NR3C2: variants seen among roughly 807,000 people sequenced by gnomAD.
NR3C2 encodes the protein nuclear receptor subfamily 3 group C member 2, also known as mineralocorticoid receptor.
NR3C2 carries 15 observed loss-of-function variants against 86.4 expected under a neutral mutation model. The ratio of observed to expected loss-of-function variants is 0.17; its 90% CI spans 0.12 to 0.27. The LOEUF (loss-of-function observed/expected upper bound fraction) is 0.27, where lower values mean the gene tolerates loss of function less well. Among genes scored for constraint, NR3C2 ranks in the 10% least tolerant of loss-of-function variants. The probability of loss-of-function intolerance (pLI) is 1.00; values close to 1 mark genes in which losing one functional copy is unlikely to be tolerated. For missense variants in NR3C2, 960 were observed against 1,195.6 expected (o/e 0.80, Z 2.91); for synonymous variants, 458 against 450.5 (o/e 1.02, Z -0.21).
At chr4:148,150,522 G>C (rs940747598) in intron 6 of NR3C2, among the ~76,000 whole-genome samples, 1 of 152,056 alleles carries the variant, frequency 6.6e-6, no homozygotes, top group Non-Finnish European at 1.5e-5. Flanking sequence ...CATCTTAAAC[G>C]GTGAAATCAC....
In NR3C2 at chr4:148,409,014, G is replaced by A. The variant is rs571883136; in HGVS notation, c.1757+26090C>T. On this transcript the variant is annotated intron_variant, in intron 2 of 8. Coordinates refer to ENST00000358102, the MANE Select transcript of NR3C2 (RefSeq NM_000901.5). Reference sequence around the variant, plus strand: ...TTCTCCTATTAGTTGTTGTTTTCTAGGTCTTGCTAATACTGCAATGAATTG... The same window carrying A: ...TTCTCCTATTAGTTGTTGTTTTCTAAGTCTTGCTAATACTGCAATGAATTG... 7.2e-5 allele frequency among the ~76,000 whole-genome samples: 11 copies of A among 152,162 alleles called. No individual in the cohort carries two copies. In the South Asian group the frequency reaches 2.3e-3, roughly 32 times the overall value.
intron 3 of NR3C2, among the ~76,000 whole-genome samples, chr4:148,258,832 C>T (rs991405238): frequency 2.6e-5 from 4 of 152,174 alleles, no homozygotes; most frequent in African/African-American, 9.7e-5. Context: ...GAATTTCCAT[C>T]GGTGCTTAAG....
intron 2 of NR3C2, among the ~76,000 whole-genome samples, chr4:148,434,072 C>T (rs1004511791): frequency 6.6e-6 from 1 of 152,128 alleles, no homozygotes; most frequent in African/African-American, 2.4e-5. Flanking sequence ...CATGTAAACC[C>T]TATATCCTGT....
chr4:148,158,986 T>G (rs1734532148), intron 4 of NR3C2, among the ~76,000 whole-genome samples: 1 of 152,200 alleles, frequency 6.6e-6, no homozygotes, highest in Admixed American at 6.5e-5. Context: ...TCTTCAGCCA[T>G]GCGTATTTAC....
chr4:148,227,114 T>C (rs1364484892), intron 3 of NR3C2, among the ~76,000 whole-genome samples: 1 of 152,170 alleles, frequency 6.6e-6, no homozygotes, highest in East Asian at 1.9e-4. Context: ...TTATATTTCA[T>C]CGGTTGTCCA....
chr4:148,326,927 T>C (rs1743998546), intron 2 of NR3C2, among the ~76,000 whole-genome samples: 1 of 152,146 alleles, frequency 6.6e-6, no homozygotes, highest in Non-Finnish European at 1.5e-5. Context: ...GTAATACAAA[T>C]ACCACTAAAA....
intron 6 of NR3C2, among the ~76,000 whole-genome samples, chr4:148,124,060 G>A (rs1371810626): frequency 1.3e-5 from 2 of 152,188 alleles, no homozygotes; most frequent in African/African-American, 4.8e-5. Context: ...CCAACATGGT[G>A]AAACACCATC....
chr4:148,336,386 A>C (rs1744489027), intron 2 of NR3C2, among the ~76,000 whole-genome samples: 1 of 152,164 alleles, frequency 6.6e-6, no homozygotes, highest in Non-Finnish European at 1.5e-5. Context: ...AAAGACATGG[A>C]GCCATCAAAC....
chr4:148,178,943 A>AC (rs1560962563), intron 4 of NR3C2, among the ~76,000 whole-genome samples: 1 of 151,010 alleles, frequency 6.6e-6, no homozygotes, highest in South Asian at 2.1e-4. Context: ...AAAAAAAAAA[A>AC]AAAACAAAAA....
chr4:148,113,132 G>A (rs1293163270), intron 8 of NR3C2, among the ~76,000 whole-genome samples: 1 of 152,144 alleles, frequency 6.6e-6, no homozygotes, highest in Non-Finnish European at 1.5e-5. Flanking sequence ...TGTAGAAACT[G>A]CTAAAACCAC....
intron 2 of NR3C2, among the ~76,000 whole-genome samples, chr4:148,421,559 G>T (rs982662335): frequency 1.3e-5 from 2 of 152,010 alleles, no homozygotes; most frequent in African/African-American, 4.8e-5. Flanking sequence ...TGGATTCAAC[G>T]CCTGGAAATA....
chr4:148,185,514 T>C (rs1214357240), intron 4 of NR3C2, among the ~76,000 whole-genome samples: 1 of 151,450 alleles, frequency 6.6e-6, no homozygotes, highest in Non-Finnish European at 1.5e-5. Context: ...TTTGAACTAC[T>C]TTTTTTTTAA....
At chr4:148,091,227 G>T (rs1034707649) in intron 8 of NR3C2, among the ~76,000 whole-genome samples, 1 of 152,230 alleles carries the variant, frequency 6.6e-6, no homozygotes, top group Non-Finnish European at 1.5e-5. Context: ...GAATCCAAGC[G>T]GGGGCCCCAG....
At chr4:148,370,380 A>AC (rs1561069031) in intron 2 of NR3C2, among the ~76,000 whole-genome samples, 1 of 151,998 alleles carries the variant, frequency 6.6e-6, no homozygotes, top group Non-Finnish European at 1.5e-5. Context: ...CAGTAAAAAA[A>AC]AAATACTAAG....
chr4:148,172,430 G>GT (rs1735172257), intron 4 of NR3C2, among the ~76,000 whole-genome samples: 1 of 152,152 alleles, frequency 6.6e-6, no homozygotes, highest in African/African-American at 2.4e-5. Flanking sequence ...ACTATGCTAT[G>GT]TAAGTCAACA....
chr4:148,154,999 G>A lies in NR3C2; in HGVS notation c.2015-98C>T. ...TACAGTTTTCCTCTAAATAGATCTT[G>A]TTATGTCAATAGGAACATGACCGTT... On this transcript the variant is annotated intron_variant, in intron 4 of 8. Transcript: ENST00000358102. 3.1e-6 allele frequency: 3 copies of A among 960,588 alleles called. No individual in the cohort carries two copies. In the South Asian group the frequency reaches 4.2e-5, roughly 13 times the overall value. The allele number at this position is 960,588 out of a possible 1,614,324, so 59.5% of individuals were successfully genotyped here. A position where few individuals can be genotyped will look rare whatever the true frequency, so the allele number is the denominator to read the frequency against.
At chr4:148,361,676 G>A (rs570289448) in intron 2 of NR3C2, among the ~76,000 whole-genome samples, 2 of 152,176 alleles carry the variant, frequency 1.3e-5, no homozygotes, top group East Asian at 1.9e-4. Flanking sequence ...CACCTGATCC[G>A]GGACTATCAC....
intron 8 of NR3C2, among the ~76,000 whole-genome samples, chr4:148,111,443 T>G (rs1732042411): frequency 6.6e-6 from 1 of 152,244 alleles, no homozygotes; most frequent in South Asian, 2.1e-4. Context: ...AAAATATACC[T>G]GCCATATTAC....
chr4:148,113,860 A>C (rs1360396725), intron 8 of NR3C2, among the ~76,000 whole-genome samples: 2 of 152,114 alleles, frequency 1.3e-5, no homozygotes, highest in Non-Finnish European at 2.9e-5. Context: ...GCTTTTTATA[A>C]ATGGGAGTGG....
Sources: gnomAD v4.1 joint callset for allele counts (sites outside exome capture counted in the v4.1 genomes callset) on GRCh38, gnomAD v4.1.1 for gene constraint, MANE v1.5 for transcripts, NCBI Gene and HGNC (gene_info 2026-07-23, HGNC 2026-07-21) for gene names.